Variants in POPDC3 observed in about 807,000 individuals in gnomAD.
POPDC3 encodes the protein popeye domain cAMP effector 3.
In POPDC3, 20 loss-of-function variants were observed where a neutral mutation model predicts 28.2. The ratio of observed to expected loss-of-function variants is 0.71; its 90% CI spans 0.50 to 1.03. POPDC3 has a LOEUF of 1.03. Among genes scored for constraint, POPDC3 ranks in the 50% least tolerant of loss-of-function variants. POPDC3 has a pLI of 0.00. For synonymous variants in POPDC3, 118 were observed against 124.1 expected (o/e 0.95, Z 0.33); for missense variants, 316 against 345.9 (o/e 0.91, Z 0.69).
chr6:105,177,131 A>G (rs551887937), intron 1 of POPDC3: 3 of 227,462 alleles, frequency 1.3e-5, no homozygotes, highest in Admixed American at 6.5e-5. Context: ...AGATTGTTTC[A>G]TAATAAAAAA....
chr6:105,158,701 C>A lies in POPDC3; in HGVS notation c.645G>T (p.Lys215Asn). 6.2e-7 allele frequency: 1 copy of A among 1,614,062 alleles called. No homozygotes were observed. The highest frequency in any genetic ancestry group is 8.5e-7 in the Non-Finnish European group (1 of 1,179,954). ...TDCRYVSWRR[K>N]KLYLLFAQHR... ...GCTGAGCAAAGAGCAGATATAATTT[C>A]TTTCTCCTCCAAGACACATATCGAC... The change falls in exon 4 of 4, where the codon AAG (lysine) becomes AAT (asparagine). Residue 215 changes from lysine to asparagine, a missense_variant. Physicochemically the swap from Lys to Asn is moderately conservative, Grantham distance 94. Coordinates refer to ENST00000254765, the MANE Select transcript of POPDC3 (RefSeq NM_022361.5).
intron 1 of POPDC3, chr6:105,166,556 A>C: frequency 2.1e-6 from 1 of 471,320 alleles, no homozygotes; most frequent in South Asian, 1.5e-5. Flanking sequence ...CCAGAAAGGT[A>C]CATTTCCTCT....
intron 1 of POPDC3, among the ~76,000 whole-genome samples, chr6:105,177,418 A>G (rs1359545054): frequency 3.9e-5 from 6 of 152,190 alleles, no homozygotes; most frequent in Admixed American, 6.5e-5. Flanking sequence ...ACAAATTCCC[A>G]TATACCTGTT....
intron 1 of POPDC3, chr6:105,179,221 C>T (rs976393881): frequency 4.1e-6 from 4 of 985,228 alleles, no homozygotes; most frequent in Non-Finnish European, 4.8e-6. Flanking sequence ...GCAGGGGGAT[C>T]CCCAAATGGA....
chr6:105,166,484 AAG>A, intron 1 of POPDC3: 2 of 439,730 alleles, frequency 4.5e-6, no homozygotes, highest in Non-Finnish European at 9.5e-6. Context: ...GGGGAGGGAA[AAG>A]AGACACCAGA....
At chr6:105,166,175 G>T (rs983373548) in intron 1 of POPDC3, among the ~76,000 whole-genome samples, 2 of 152,138 alleles carry the variant, frequency 1.3e-5, no homozygotes, top group Admixed American at 6.5e-5. Context: ...TAAAATGAAA[G>T]AATTGGACAA....
chr6:105,179,208 T>C (rs978399254), intron 1 of POPDC3: 8 of 985,302 alleles, frequency 8.1e-6, no homozygotes, highest in Non-Finnish European at 7.2e-6. Flanking sequence ...AATTTCTTTT[T>C]TGGCAGGGGG....
rs1474919511 is a variant in POPDC3, at chr6:105,179,961, C to T, written c.-380G>A. 6.7e-6 allele frequency: 1 copy of T among 149,030 alleles called. No homozygotes were observed. The highest frequency in any genetic ancestry group is 2.0e-4 in the East Asian group (1 of 5,082). The allele number at this position is 149,030 out of a possible 1,614,324, so 9.2% of individuals were successfully genotyped here. A position where few individuals can be genotyped will look rare whatever the true frequency, so the allele number is the denominator to read the frequency against. ...CCCTCGTGAGTGCCTCGCCGCCCACCCTGCGGCGCCGGGCGCAGCGTGACC... is the reference window on the plus strand; with the variant it reads ...CCCTCGTGAGTGCCTCGCCGCCCACTCTGCGGCGCCGGGCGCAGCGTGACC... On this transcript the variant is annotated 5_prime_UTR_variant, in exon 1 of 4. Transcript: ENST00000254765.
chr6:105,161,459 A>C lies in POPDC3; in HGVS notation c.451T>G (p.Ser151Ala). Reference sequence around the variant, plus strand: ...ACAAGCAAGGAGAGTTTATCAATGGAAGTTTTCCCCTGCATGGCATAACAG... The same window carrying C: ...ACAAGCAAGGAGAGTTTATCAATGGCAGTTTTCCCCTGCATGGCATAACAG... ...EHCYAMQGKTSIDKLSLLVSG... is the reference protein window; with the variant it reads ...EHCYAMQGKTAIDKLSLLVSG... The change falls in exon 2 of 4, where the codon TCC becomes GCC. Residue 151 changes from serine (S) to alanine (A), a missense_variant. By Grantham distance (99) the Ser-to-Ala change is moderately conservative. Transcript: ENST00000254765. 1 of 1,613,932 alleles carries C rather than the reference A, an allele frequency of 6.2e-7. No individual in the cohort carries two copies. Among genetic ancestry groups the C allele is most frequent in the South Asian group, 1.1e-5 (1 of 91,036 alleles).
chr6:105,164,566 G>C (rs1042496584), intron 1 of POPDC3, among the ~76,000 whole-genome samples: 4 of 152,234 alleles, frequency 2.6e-5, no homozygotes, highest in Non-Finnish European at 5.9e-5. Context: ...TATTAGAAGT[G>C]GAAGAACTGA....
intron 1 of POPDC3, among the ~76,000 whole-genome samples, chr6:105,174,670 T>C (rs960120867): frequency 1.4e-4 from 22 of 152,100 alleles, no homozygotes; most frequent in African/African-American, 4.3e-4. Context: ...AGTCAAACCA[T>C]TGTGAGTCAG....
At chr6:105,172,064 G>A (rs1205790011) in intron 1 of POPDC3, among the ~76,000 whole-genome samples, 1 of 151,072 alleles carries the variant, frequency 6.6e-6, no homozygotes, top group Admixed American at 6.6e-5. Flanking sequence ...CTTCTGCACA[G>A]CAAAACAAAC....
chr6:105,168,280 T>TACTAG (rs1221119008), intron 1 of POPDC3, among the ~76,000 whole-genome samples: 70 of 152,338 alleles, frequency 4.6e-4, no homozygotes, highest in Middle Eastern at 6.8e-3. Flanking sequence ...TTTAATTTTC[T>TACTAG]CATTTCATCT....
rs1484714620 is a variant in POPDC3 at position 105,158,753 on chromosome 6, TAA to T, written c.595-4_595-3del. ...ATCAGTTTCTGCAGTGAGGGTTACC[TAA>T]AAAACACAAGACCACACATAAACAG... is the stretch of plus-strand genomic sequence containing the variant. On this transcript the variant is annotated splice_polypyrimidine_tract_variant and splice_region_variant and intron_variant, in intron 3 of 3. Transcript: ENST00000254765. 3 of 1,600,532 alleles carry T rather than the reference TAA, an allele frequency of 1.9e-6. No homozygotes were observed. In the African/African-American group the frequency reaches 4.0e-5, roughly 21 times the overall value.
chr6:105,170,234 T>G (rs1582995772), intron 1 of POPDC3, among the ~76,000 whole-genome samples: 1 of 152,204 alleles, frequency 6.6e-6, no homozygotes, highest in East Asian at 1.9e-4. Context: ...GCCATTCCCT[T>G]TTGATGAGCT....
intron 1 of POPDC3, 31 bp from the exon 2 acceptor site, chr6:105,162,191 A>C (rs1029943031): frequency 8.6e-7 from 1 of 1,156,676 alleles, no homozygotes; most frequent in African/African-American, 1.6e-5. Flanking sequence ...TAAAGGATCT[A>C]ATTAAACAAA....
At chr6:105,173,382 A>G (rs1039795849) in intron 1 of POPDC3, among the ~76,000 whole-genome samples, 7 of 152,212 alleles carry the variant, frequency 4.6e-5, no homozygotes, top group African/African-American at 1.7e-4. Flanking sequence ...TGACTTCCAG[A>G]ACAATTATAA....
At chr6:105,179,313 C>A (rs1774738254) in intron 1 of POPDC3, 1 of 934,468 alleles carries the variant, frequency 1.1e-6, no homozygotes. Context: ...GCACTGACAC[C>A]AGTCAGGCCC....
chr6:105,173,433 C>T (rs1470348566), intron 1 of POPDC3, among the ~76,000 whole-genome samples: 5 of 152,182 alleles, frequency 3.3e-5, no homozygotes, highest in African/African-American at 4.8e-5. Flanking sequence ...CACCACCCCT[C>T]CTGCATCTTG....
Sources: allele counts gnomAD v4.1 joint callset (sites outside exome capture counted in the v4.1 genomes callset), GRCh38; gene constraint gnomAD v4.1.1; transcripts MANE v1.5; gene names NCBI Gene and HGNC (gene_info 2026-07-23, HGNC 2026-07-21).